The following ZNF462 variants were observed in gnomAD, a reference collection of about 807,000 sequenced individuals.
ZNF462 encodes the protein zinc finger PBX1-interacting protein.
ZNF462 carries 10 observed loss-of-function variants against 201.9 expected under a neutral mutation model. The ratio of observed to expected loss-of-function variants is 0.05; its 90% CI spans 0.03 to 0.08. ZNF462 has a LOEUF of 0.08. Among genes scored for constraint, ZNF462 ranks in the 10% least tolerant of loss-of-function variants. The pLI, the probability that ZNF462 is intolerant of heterozygous loss-of-function variation, is 1.00. For synonymous variants in ZNF462, 1,227 were observed against 1,193.3 expected (o/e 1.03, Z -0.58); for missense variants, 2,523 against 3,168.3 (o/e 0.80, Z 4.89).
chr9:106,984,728 C>T lies in ZNF462; in HGVS notation c.7056+319C>T, dbSNP rs908947298. Among the ~76,000 whole-genome samples, 3 of 152,102 alleles carry T rather than the reference C, an allele frequency of 2.0e-5. No homozygotes were observed. Among genetic ancestry groups the T allele is most frequent in the African/African-American group, 4.8e-5 (2 of 41,420 alleles). The stretch of plus-strand genomic sequence containing the variant: ...TTATACTATACATAAAACATGATAC[C>T]TTACATTTTTTAAAGCTTATTCTAA... On this transcript the variant is annotated intron_variant, in intron 10 of 12. Coordinates refer to ENST00000277225, the MANE Select transcript of ZNF462 (RefSeq NM_021224.6). This position sits in a 1 kb window ranked among gnomAD's most constrained non-coding sequence, Gnocchi z 6.4.
chr9:107,011,718 GT>G lies in ZNF462; in HGVS notation c.*692del, dbSNP rs957603576. On this transcript the variant is annotated 3_prime_UTR_variant, in exon 13 of 13. Transcript: ENST00000277225. The surrounding 1 kb of genome is among the most constrained non-coding windows in gnomAD (Gnocchi z 5.6). Reference sequence around the variant, plus strand: ...AATTGTGCTTAAAATCCCCATGTGGGTTTTATTTCTTAAAATACTGTGATTT... The same window carrying G: ...AATTGTGCTTAAAATCCCCATGTGGGTTTATTTCTTAAAATACTGTGATTT... 2 of 151,912 alleles carry G rather than the reference GT, an allele frequency of 1.3e-5. No homozygotes were observed. Among genetic ancestry groups the G allele is most frequent in the African/African-American group, 4.8e-5 (2 of 41,362 alleles). 9.4% of individuals were successfully genotyped at this position (151,912 alleles called of 1,614,324 possible).
rs1412386623 is a variant in ZNF462 at position 107,012,238 on chromosome 9, C to G, written c.*1208C>G. On this transcript the variant is annotated 3_prime_UTR_variant, in exon 13 of 13. Coordinates refer to ENST00000277225, the MANE Select transcript of ZNF462 (RefSeq NM_021224.6). ...TGTCAAATTCACGCATTATCCGTCT[C>G]ATAAATAATTTCTGTTAGGATTGGC... is the stretch of plus-strand genomic sequence containing the variant. 1 of 149,996 alleles carries G rather than the reference C, an allele frequency of 6.7e-6. No individual in the cohort carries two copies. The highest frequency in any genetic ancestry group is 6.7e-5 in the Admixed American group (1 of 14,976). The allele number at this position is 149,996 out of a possible 1,614,324, so 9.3% of individuals were successfully genotyped here.
rs1232739241 is a variant in ZNF462 at position 107,011,794 on chromosome 9, A to G, written c.*764A>G. ...AAACAAAAAAAAGAAACAGACTTTA[A>G]TTATTAGATAACTGTTTGTGAATTG... On this transcript the variant is annotated 3_prime_UTR_variant, in exon 13 of 13. Coordinates refer to ENST00000277225, the MANE Select transcript of ZNF462 (RefSeq NM_021224.6). The surrounding 1 kb of genome is among the most constrained non-coding windows in gnomAD (Gnocchi z 5.6). 1 of 152,198 alleles carries G rather than the reference A, an allele frequency of 6.6e-6. No individual in the cohort carries two copies. The highest frequency in any genetic ancestry group is 1.5e-5 in the Non-Finnish European group (1 of 68,034). 9.4% of individuals were successfully genotyped at this position (152,198 alleles called of 1,614,324 possible).
rs190228342 is a variant in ZNF462 at position 106,922,387 on chromosome 9, T to C, written c.-30-967T>C. On this transcript the variant is annotated intron_variant, in intron 1 of 12. Transcript: ENST00000277225. ...GTGTGTAGCTTTCTGTATATTTCAG[T>C]CACAAAGTAAATAGCAGAATGAAGG... Among the ~76,000 whole-genome samples, 219 of 152,342 alleles carry C rather than the reference T, an allele frequency of 1.4e-3. 3 individuals carry two copies. Among genetic ancestry groups the C allele is most frequent in the African/African-American group, 5.0e-3 (206 of 41,564 alleles).
In ZNF462 at chr9:107,011,673, G is replaced by A. The variant is rs1829932342; in HGVS notation, c.*643G>A. The stretch of plus-strand genomic sequence containing the variant: ...GATGGTGAATGGAGAAAAAAAAAGA[G>A]TTTTAAAGAAAGGAACACAAATTGT... On this transcript the variant is annotated 3_prime_UTR_variant, in exon 13 of 13. Coordinates refer to ENST00000277225, the MANE Select transcript of ZNF462 (RefSeq NM_021224.6). The surrounding 1 kb of genome is among the most constrained non-coding windows in gnomAD (Gnocchi z 5.6). The A allele has an allele frequency of 6.6e-6, 1 of 151,992 alleles. No homozygotes were observed. The highest frequency in any genetic ancestry group is 6.6e-5 in the Admixed American group (1 of 15,254). The allele number at this position is 151,992 out of a possible 1,614,324, so 9.4% of individuals were successfully genotyped here.
chr9:106,948,409 AT>A (rs1831200409), intron 7 of ZNF462, among the ~76,000 whole-genome samples: 2 of 152,208 alleles, frequency 1.3e-5, no homozygotes, highest in Non-Finnish European at 2.9e-5. Flanking sequence ...TCAACAAGGA[AT>A]GTGCAATGAA....
At chr9:106,945,419 T>G (rs1252860303) in intron 7 of ZNF462, among the ~76,000 whole-genome samples, 1 of 152,134 alleles carries the variant, frequency 6.6e-6, no homozygotes, top group Admixed American at 6.6e-5. Context: ...ATTCAGCCTT[T>G]AAGAGGATCC....
At chr9:106,903,544 A>G (rs1829146168) in intron 1 of ZNF462, among the ~76,000 whole-genome samples, 1 of 151,950 alleles carries the variant, frequency 6.6e-6, no homozygotes, top group Admixed American at 6.6e-5. Context: ...CCCCACTATT[A>G]TTGTGTTGTT....
Position 106,935,531 on chromosome 9 carries a change from G to C in ZNF462, c.6145G>C (p.Gly2049Arg). Residue 2049 changes from glycine to arginine, a missense_variant, in exon 6 of 13, where the codon GGA becomes CGA. This residue lies in a region of ZNF462 where 107 missense variants were observed against 187.7 expected (regional missense o/e 0.57). Coordinates refer to ENST00000277225, the MANE Select transcript of ZNF462 (RefSeq NM_021224.6). This position sits in a 1 kb window ranked among gnomAD's most constrained non-coding sequence, Gnocchi z 4.1. Reference protein sequence around the residue: ...NLDRHMQTHHGHHKPFRCKLC... With the variant: ...NLDRHMQTHHRHHKPFRCKLC... Reference sequence around the variant, plus strand: ...GGATCGCCATATGCAAACCCACCACGGACACCATAAACCATTCCGATGCAA... The same window carrying C: ...GGATCGCCATATGCAAACCCACCACCGACACCATAAACCATTCCGATGCAA... 2 of 1,613,794 alleles carry C rather than the reference G, an allele frequency of 1.2e-6. No homozygotes were observed. The highest frequency in any genetic ancestry group is 1.7e-6 in the Non-Finnish European group (2 of 1,179,910).
rs926344404 is a variant in ZNF462, at chr9:106,947,374, T to G, written c.6427+8267T>G. 2.6e-5 allele frequency among the ~76,000 whole-genome samples: 4 copies of G among 152,222 alleles called. No homozygotes were observed. In the East Asian group the frequency reaches 7.7e-4, roughly 29 times the overall value. ...TCTCTTATGTCATCTTTTATTTTGATGCACTGTGAGTCCTCCACCAGAGCT... is the reference window on the plus strand; with the variant it reads ...TCTCTTATGTCATCTTTTATTTTGAGGCACTGTGAGTCCTCCACCAGAGCT... On this transcript the variant is annotated intron_variant, in intron 7 of 12. Coordinates refer to ENST00000277225, the MANE Select transcript of ZNF462 (RefSeq NM_021224.6).
chr9:106,975,817 A>T, intron 9 of ZNF462: 1 of 152,146 alleles, frequency 6.6e-6, no homozygotes, highest in East Asian at 1.9e-4. Flanking sequence ...AAGCTCAATG[A>T]CTTTCCCTCC....
rs182707589 is a variant in ZNF462 at position 106,886,436 on chromosome 9, T to A, written c.-31+23081T>A. Among the ~76,000 whole-genome samples, 18 of 152,332 alleles carry A rather than the reference T, an allele frequency of 1.2e-4. No individual in the cohort carries two copies. Among genetic ancestry groups the A allele is most frequent in the Admixed American group, 1.2e-3 (18 of 15,304 alleles). Reference sequence around the variant, plus strand: ...TGCATGTTGGCAATGTAGTAGATCCTGGTTTTAAAAATAAAATGCCAGGAT... The same window carrying A: ...TGCATGTTGGCAATGTAGTAGATCCAGGTTTTAAAAATAAAATGCCAGGAT... On this transcript the variant is annotated intron_variant, in intron 1 of 12. Transcript: ENST00000277225. This position sits in a 1 kb window ranked among gnomAD's most constrained non-coding sequence, Gnocchi z 4.6.
chr9:106,872,096 C>T lies in ZNF462; in HGVS notation c.-31+8741C>T, dbSNP rs555420033. 6.6e-6 allele frequency among the ~76,000 whole-genome samples: 1 copy of T among 152,260 alleles called. No individual in the cohort carries two copies. Among genetic ancestry groups the T allele is most frequent in the Non-Finnish European group, 1.5e-5 (1 of 68,022 alleles). ...CCATTCTAATCCCTAATTACATCAT[C>T]CCTCTGTGTTATGACTAATTAGTCA... On this transcript the variant is annotated intron_variant, in intron 1 of 12. Transcript: ENST00000277225. The surrounding 1 kb of genome is among the most constrained non-coding windows in gnomAD (Gnocchi z 4.5).
chr9:106,995,914 C>T (rs536695633), intron 10 of ZNF462, among the ~76,000 whole-genome samples: 2 of 152,156 alleles, frequency 1.3e-5, no homozygotes, highest in Admixed American at 6.6e-5. Flanking sequence ...GTGCTGCACC[C>T]ATTAACTCGT....
intron 1 of ZNF462, among the ~76,000 whole-genome samples, chr9:106,877,035 C>T (rs1037868386): frequency 2.6e-5 from 4 of 152,064 alleles, no homozygotes; most frequent in Non-Finnish European, 2.9e-5. Flanking sequence ...TGAGACCTCA[C>T]GGGTAAGGAG....
chr9:106,910,405 G>C (rs1379802298), intron 1 of ZNF462, among the ~76,000 whole-genome samples: 1 of 124,582 alleles, frequency 8.0e-6, no homozygotes, highest in Non-Finnish European at 1.6e-5. Context: ...ATTTGTCTTC[G>C]AGGCATAACT....
rs552680850 is a variant in ZNF462 at position 106,905,272 on chromosome 9, A to T, written c.-30-18082A>T. On this transcript the variant is annotated intron_variant, in intron 1 of 12. Transcript: ENST00000277225. The surrounding 1 kb of genome is among the most constrained non-coding windows in gnomAD (Gnocchi z 5.9). The stretch of plus-strand genomic sequence containing the variant: ...TTCTGCACAGAGTCCTGTGATGTGA[A>T]TTGTCTAAGGGGTCTCTCAGCCATG... Among the ~76,000 whole-genome samples, 166 of 152,222 alleles carry T rather than the reference A, an allele frequency of 1.1e-3. No individual in the cohort carries two copies. Among genetic ancestry groups the T allele is most frequent in the South Asian group, 3.5e-3 (17 of 4,820 alleles).
Position 106,974,467 on chromosome 9 carries a change from C to T in ZNF462, c.6832+194C>T, listed in dbSNP as rs1826848219. On this transcript the variant is annotated intron_variant, in intron 9 of 12. Coordinates refer to ENST00000277225, the MANE Select transcript of ZNF462 (RefSeq NM_021224.6). The surrounding 1 kb of genome is among the most constrained non-coding windows in gnomAD (Gnocchi z 4.0). ...CACCTTCCTGCTGGGAGTATTTCCT[C>T]CACCTGGAGGGAGGCAAAGGTGATG... 1 of 787,086 alleles carries T rather than the reference C, an allele frequency of 1.3e-6. No homozygotes were observed. The highest frequency in any genetic ancestry group is 2.1e-6 in the Non-Finnish European group (1 of 468,396). The allele number at this position is 787,086 out of a possible 1,614,324, so 48.8% of individuals were successfully genotyped here.
In ZNF462 at chr9:106,932,386, G is replaced by A; in HGVS notation, c.6013-60G>A. ...CTTGCTTGATGGAATGTTGGAGGAT[G>A]AAACCCGGCCGGGGGGATACCATTG... is the stretch of plus-strand genomic sequence containing the variant. On this transcript the variant is annotated intron_variant, in intron 4 of 12. Transcript: ENST00000277225. This position sits in a 1 kb window ranked among gnomAD's most constrained non-coding sequence, Gnocchi z 6.8. 6.2e-7 allele frequency: 1 copy of A among 1,611,408 alleles called. No individual in the cohort carries two copies. Among genetic ancestry groups the A allele is most frequent in the Non-Finnish European group, 8.5e-7 (1 of 1,178,714 alleles).
Sources: allele counts gnomAD v4.1 joint callset (sites outside exome capture counted in the v4.1 genomes callset), GRCh38; gene constraint gnomAD v4.1.1; regional missense constraint gnomAD v4.1.1; non-coding constraint Gnocchi (gnomAD v3.1); transcripts MANE v1.5; gene names NCBI Gene and HGNC (gene_info 2026-07-23, HGNC 2026-07-21).